CYP7B1: variants seen among roughly 807,000 people sequenced by gnomAD.
The protein encoded by CYP7B1 is cytochrome P450 family 7 subfamily B member 1.
In CYP7B1, 29 loss-of-function variants were observed where a neutral mutation model predicts 42.7. That is an observed-to-expected ratio of 0.68 (90% CI 0.51 to 0.93). CYP7B1 has a LOEUF of 0.93. Ranked by LOEUF, CYP7B1 falls within the 40% of genes least tolerant of loss-of-function variation. The pLI is 0.00. For synonymous variants in CYP7B1, 235 were observed against 218.2 expected, an observed-to-expected ratio of 1.08 and a Z score of -0.68; for missense variants, 655 against 600.5, an observed-to-expected ratio of 1.09 and a Z score of -0.95.
In CYP7B1 at chr8:64,612,357, G is replaced by T. The variant is rs1006308105; in HGVS notation, c.1057+2669C>A. Among the ~76,000 whole-genome samples the T allele has an allele frequency of 6.6e-5, 10 of 152,038 alleles. 1 individual carries two copies. The highest frequency in any genetic ancestry group is 3.4e-3 in the Middle Eastern group (1 of 294). ...ATTTTCAGTTAAATGTAATTATAGA[G>T]ATCTTAACTAATTATTAATAGATAA... On this transcript the variant is annotated intron_variant, in intron 4 of 5. Transcript: ENST00000310193.
At position 64,591,564 on chromosome 8, in the gene CYP7B1, A is replaced by G. The variant is rs1490045625; in HGVS notation, c.*5078T>C. On this transcript the variant is annotated 3_prime_UTR_variant, in exon 6 of 6. Coordinates refer to ENST00000310193, the MANE Select transcript of CYP7B1 (RefSeq NM_004820.5). Reference sequence around the variant, plus strand: ...AGTTAGAAGTCACTTGCAGAAAATTACCCAAATTATTTTTATGATAAAATA... The same window carrying G: ...AGTTAGAAGTCACTTGCAGAAAATTGCCCAAATTATTTTTATGATAAAATA... Among the ~76,000 whole-genome samples, 1 of 152,208 alleles carries G rather than the reference A, an allele frequency of 6.6e-6. No homozygotes were observed. The highest frequency in any genetic ancestry group is 1.5e-5 in the Non-Finnish European group (1 of 68,046).
chr8:64,681,644 C>T (rs1234174499), intron 1 of CYP7B1, among the ~76,000 whole-genome samples: 2 of 152,164 alleles, frequency 1.3e-5, no homozygotes, highest in Non-Finnish European at 2.9e-5. Context: ...CAGTGAGCAG[C>T]AAGTCTCTGG....
At chr8:64,793,147 A>G (rs1318095405) in intron 1 of CYP7B1, among the ~76,000 whole-genome samples, 1 of 152,194 alleles carries the variant, frequency 6.6e-6, no homozygotes, top group Admixed American at 6.5e-5. Flanking sequence ...CCCTGCATTT[A>G]GCTCACTAAG....
At chr8:64,589,897 G>C (rs1258235255), downstream of CYP7B1, 1 of 152,080 alleles carries the variant, frequency 6.6e-6, no homozygotes, top group African/African-American at 2.4e-5. Context: ...TTTACTTTTT[G>C]TGTAGTCTGT....
At chr8:64,771,251 G>A (rs946752250) in intron 1 of CYP7B1, among the ~76,000 whole-genome samples, 1 of 150,882 alleles carries the variant, frequency 6.6e-6, no homozygotes, top group African/African-American at 2.4e-5. Context: ...TAGTAGAGAC[G>A]GGGTTTCACC....
At chr8:64,658,697 G>A (rs1422439788) in intron 1 of CYP7B1, among the ~76,000 whole-genome samples, 1 of 152,078 alleles carries the variant, frequency 6.6e-6, no homozygotes, top group Non-Finnish European at 1.5e-5. Flanking sequence ...ATGTTGTTAG[G>A]TTGTCCGCCT....
At chr8:64,782,816 C>T (rs1804451390) in intron 1 of CYP7B1, among the ~76,000 whole-genome samples, 1 of 152,078 alleles carries the variant, frequency 6.6e-6, no homozygotes, top group Non-Finnish European at 1.5e-5. Context: ...GAATGAAATA[C>T]AAAATAAACA....
intron 1 of CYP7B1, among the ~76,000 whole-genome samples, chr8:64,628,369 C>G (rs890440309): frequency 6.6e-6 from 1 of 152,080 alleles, no homozygotes; most frequent in African/African-American, 2.4e-5. Context: ...ATTTTGGAGA[C>G]GGGGAGTGGT....
chr8:64,663,991 G>A (rs755905377), intron 1 of CYP7B1, among the ~76,000 whole-genome samples: 4 of 152,186 alleles, frequency 2.6e-5, no homozygotes, highest in Non-Finnish European at 5.9e-5. Context: ...TCCTGCCTCT[G>A]CTCTCTCTGG....
chr8:64,676,891 C>T (rs927394650), intron 1 of CYP7B1, among the ~76,000 whole-genome samples: 10 of 151,970 alleles, frequency 6.6e-5, no homozygotes, highest in Admixed American at 4.6e-4. Flanking sequence ...CCACCATAGC[C>T]GTCTGCTAAT....
rs1389533195 is a variant in CYP7B1, at chr8:64,763,231, GC to G, written c.122+35234del. 5.9e-5 allele frequency among the ~76,000 whole-genome samples: 9 copies of G among 152,322 alleles called. No homozygotes were observed. In the East Asian group the frequency reaches 1.7e-3, roughly 29 times the overall value. On this transcript the variant is annotated intron_variant, in intron 1 of 5. Transcript: ENST00000310193. Reference sequence around the variant, plus strand: ...CGCCATTGTTCCTGTACAGCTAAGTGCCTGGGTTCGTCCTAATCGAGCTGAA... The same window carrying G: ...CGCCATTGTTCCTGTACAGCTAAGTGCTGGGTTCGTCCTAATCGAGCTGAA...
intron 1 of CYP7B1, among the ~76,000 whole-genome samples, chr8:64,790,704 T>C (rs1804604186): frequency 6.6e-6 from 1 of 152,178 alleles, no homozygotes; most frequent in African/African-American, 2.4e-5. Context: ...GTTTACAATA[T>C]CTGATTAGTA....
chr8:64,753,207 T>A (rs1398248839), intron 1 of CYP7B1, among the ~76,000 whole-genome samples: 1 of 152,194 alleles, frequency 6.6e-6, no homozygotes, highest in Non-Finnish European at 1.5e-5. Flanking sequence ...TGAAAAGAAT[T>A]CCTCATTAAA....
intron 1 of CYP7B1, among the ~76,000 whole-genome samples, chr8:64,739,078 A>G (rs1328798157): frequency 6.6e-6 from 1 of 152,180 alleles, no homozygotes; most frequent in Non-Finnish European, 1.5e-5. Flanking sequence ...TCTATAACAA[A>G]GGCTTAGTCT....
rs374380529 is a variant in CYP7B1 at position 64,615,673 on chromosome 8, T to A, written c.850+18A>T. On this transcript the variant is annotated intron_variant, in intron 3 of 5. Coordinates refer to ENST00000310193, the MANE Select transcript of CYP7B1 (RefSeq NM_004820.5). ...AAATGATTTTATTTTAGGCAAGTGCTCATTCAGAAGTTCTTACCTCCTATT... is the reference window on the plus strand; with the variant it reads ...AAATGATTTTATTTTAGGCAAGTGCACATTCAGAAGTTCTTACCTCCTATT... The A allele has an allele frequency of 7.2e-5, 115 of 1,605,774 alleles. No homozygotes were observed. The Middle Eastern group carries it at 3.1e-3, about 44-fold the overall frequency.
At chr8:64,609,103 C>A (rs1805328248) in intron 4 of CYP7B1, among the ~76,000 whole-genome samples, 1 of 152,198 alleles carries the variant, frequency 6.6e-6, no homozygotes, top group South Asian at 2.1e-4. Context: ...TACATATAAA[C>A]AGGAATGCTC....
intron 1 of CYP7B1, among the ~76,000 whole-genome samples, chr8:64,646,904 C>T (rs912886656): frequency 1.3e-5 from 2 of 152,198 alleles, no homozygotes; most frequent in Non-Finnish European, 2.9e-5. Context: ...TTGTAATTCC[C>T]TTCAAGAACT....
At chr8:64,618,454 A>C (rs1421439728) in intron 2 of CYP7B1, among the ~76,000 whole-genome samples, 1 of 152,166 alleles carries the variant, frequency 6.6e-6, no homozygotes, top group Non-Finnish European at 1.5e-5. Context: ...GGAAACAGAA[A>C]ATATATTCAG....
Position 64,596,724 on chromosome 8 carries a change from A to C in CYP7B1, c.1439T>G (p.Ile480Arg). ...CAACAAGCGGCTGTAGTTTAGTCCT[A>C]TGGGCTTATCATCAATTATTTCTAA... ...FDLEIIDDKP[I>R]GLNYSRLLFG... Residue 480 changes from isoleucine to arginine, a missense_variant, in exon 6 of 6, where the codon ATA becomes AGA. By Grantham distance (97) the Ile-to-Arg change is moderately conservative. Transcript: ENST00000310193. The C allele has an allele frequency of 6.2e-7, 1 of 1,613,886 alleles. No individual in the cohort carries two copies. Among genetic ancestry groups the C allele is most frequent in the African/African-American group, 1.3e-5 (1 of 75,052 alleles).
Sources: allele counts gnomAD v4.1 joint callset (sites outside exome capture counted in the v4.1 genomes callset), GRCh38; gene constraint gnomAD v4.1.1; transcripts MANE v1.5; gene names NCBI Gene and HGNC (gene_info 2026-07-23, HGNC 2026-07-21).